ANGPTL7: variants seen among roughly 807,000 people sequenced by gnomAD.
ANGPTL7 encodes the protein angiopoietin-related protein 7.
ANGPTL7 carries 37 observed loss-of-function variants against 38.8 expected under a neutral mutation model. The ratio of observed to expected loss-of-function variants is 0.95; its 90% CI spans 0.73 to 1.25. The LOEUF is 1.25. Among genes scored for constraint, ANGPTL7 ranks in the 50% most tolerant of loss-of-function variants. The pLI, the probability that ANGPTL7 is intolerant of heterozygous loss-of-function variation, is 0.00. For missense variants in ANGPTL7, 427 were observed against 438.6 expected, an observed-to-expected ratio of 0.97 and a Z score of 0.24; for synonymous variants, 166 against 163.2, an observed-to-expected ratio of 1.02 and a Z score of -0.13.
Position 11,189,840 on chromosome 1 carries a change from C to G in ANGPTL7, c.261C>G (p.Asn87Lys), listed in dbSNP as rs761178117. The change falls in exon 1 of 5, where the codon AAC becomes AAG. Residue 87 changes from asparagine to lysine, a missense_variant. Transcript: ENST00000376819. ...TGCAGGTGATGGAGCTGGAGAGCAA[C>G]AGCAAGCGCATGGAGTCGCGGCTCA... ...VVMQVMELES[N>K]SKRMESRLTD... The G allele has an allele frequency of 1.3e-5, 21 of 1,614,112 alleles. No homozygotes were observed. Among genetic ancestry groups the G allele is most frequent in the African/African-American group, 1.1e-4 (8 of 74,938 alleles).
Position 11,194,518 on chromosome 1 carries a change from C to T in ANGPTL7, c.730C>T (p.Leu244Phe), listed in dbSNP as rs762324810. 3.5e-5 allele frequency: 56 copies of T among 1,614,038 alleles called. No homozygotes were observed. The highest frequency in any genetic ancestry group is 4.2e-5 in the Non-Finnish European group (50 of 1,180,044). Residue 244 changes from leucine to phenylalanine, a missense_variant, in exon 4 of 5, where the codon CTC becomes TTC. Coordinates refer to ENST00000376819, the MANE Select transcript of ANGPTL7 (RefSeq NM_021146.4). ...EYSHFVLGNELNSYRLFLGNY... is the reference protein window; with the variant it reads ...EYSHFVLGNEFNSYRLFLGNY... Reference sequence around the variant, plus strand: ...TAGCCACTTTGTTTTGGGCAATGAACTCAACAGCTATCGCCTCTTCCTGGG... The same window carrying T: ...TAGCCACTTTGTTTTGGGCAATGAATTCAACAGCTATCGCCTCTTCCTGGG...
intron 4 of ANGPTL7, 46 bp from the exon 5 acceptor site, chr1:11,194,808 T>C (rs376581686): frequency 1.2e-6 from 2 of 1,608,892 alleles, no homozygotes; most frequent in African/African-American, 2.7e-5. Context: ...TGATGTCTGG[T>C]CTATCACAGT....
chr1:11,193,779 G>A lies in ANGPTL7; in HGVS notation c.672+5G>A. ...CGGCTGCGTGTAGAGATGGAGGTAA[G>A]CACAAGGCCAGGGGCCCCATGACTG... On this transcript the variant is annotated splice_donor_5th_base_variant and intron_variant, in intron 3 of 4. Coordinates refer to ENST00000376819, the MANE Select transcript of ANGPTL7 (RefSeq NM_021146.4). 1 of 1,613,998 alleles carries A rather than the reference G, an allele frequency of 6.2e-7. No individual in the cohort carries two copies. Among genetic ancestry groups the A allele is most frequent in the Non-Finnish European group, 8.5e-7 (1 of 1,179,960 alleles).
chr1:11,189,682 C>T lies in ANGPTL7; in HGVS notation c.103C>T (p.Pro35Ser). 6.2e-7 allele frequency: 1 copy of T among 1,614,160 alleles called. No individual in the cohort carries two copies. Among genetic ancestry groups the T allele is most frequent in the Non-Finnish European group, 8.5e-7 (1 of 1,180,030 alleles). The change falls in exon 1 of 5, where the codon CCA becomes TCA. Residue 35 changes from proline (P) to serine (S), a missense_variant. By Grantham distance (74) the Pro-to-Ser change is moderately conservative. Coordinates refer to ENST00000376819, the MANE Select transcript of ANGPTL7 (RefSeq NM_021146.4). ...WLQKLSKHKT[P>S]AQPQLKAANC... ...GCAGAAGCTCTCTAAGCACAAGACA[C>T]CAGCACAGCCACAGCTCAAAGCGGC...
intron 3 of ANGPTL7, 96 bp from the exon 4 acceptor site, chr1:11,194,365 A>ATGTT: frequency 3.6e-6 from 4 of 1,122,700 alleles, no homozygotes; most frequent in Non-Finnish European, 5.3e-6. Context: ...CTATAAAAAG[A>ATGTT]TGTTTGGCTA....
At position 11,195,184 on chromosome 1, in the gene ANGPTL7, T is replaced by G; in HGVS notation, c.*161T>G. 1 of 786,408 alleles carries G rather than the reference T, an allele frequency of 1.3e-6. No homozygotes were observed. Among genetic ancestry groups the G allele is most frequent in the Non-Finnish European group, 2.0e-6 (1 of 501,874 alleles). 48.7% of individuals were successfully genotyped at this position (786,408 alleles called of 1,614,324 possible). Reference sequence around the variant, plus strand: ...CTCCAAGGAGCACAAAAAAATCATATGTACCAAGGATGTTACAGTAAACAG... The same window carrying G: ...CTCCAAGGAGCACAAAAAAATCATAGGTACCAAGGATGTTACAGTAAACAG... On this transcript the variant is annotated 3_prime_UTR_variant, in exon 5 of 5. Transcript: ENST00000376819.
intron 1 of ANGPTL7, among the ~76,000 whole-genome samples, chr1:11,191,008 G>C (rs1316363183): frequency 6.6e-6 from 1 of 152,204 alleles, no homozygotes; most frequent in Admixed American, 6.5e-5. Context: ...TTTGGGATTA[G>C]AAAGGTATTC....
rs1169193365 is a variant in ANGPTL7 at position 11,192,980 on chromosome 1, G to A, written c.478-600G>A. 2.0e-5 allele frequency among the ~76,000 whole-genome samples: 3 copies of A among 151,904 alleles called. No individual in the cohort carries two copies. In the East Asian group the frequency reaches 5.8e-4, roughly 30 times the overall value. On this transcript the variant is annotated intron_variant, in intron 2 of 4. Coordinates refer to ENST00000376819, the MANE Select transcript of ANGPTL7 (RefSeq NM_021146.4). ...CCATGTCCTAGAACAGCTATTCCTT[G>A]GGGGAGGAGAAAAGAAAACACGAAG...
chr1:11,190,000 C>T, intron 1 of ANGPTL7, 45 bp downstream of exon 1: 1 of 1,560,420 alleles, frequency 6.4e-7, no homozygotes. Flanking sequence ...GCCTCCCCAT[C>T]TACAGCACTG....
Position 11,195,136 on chromosome 1 carries a change from TA to T in ANGPTL7, c.*115del. 8.8e-7 allele frequency: 1 copy of T among 1,142,358 alleles called. No homozygotes were observed. The highest frequency in any genetic ancestry group is 1.2e-6 in the Non-Finnish European group (1 of 815,998). The allele number at this position is 1,142,358 out of a possible 1,614,324, so 70.8% of individuals were successfully genotyped here. On this transcript the variant is annotated 3_prime_UTR_variant, in exon 5 of 5. Transcript: ENST00000376819. ...AAGGGTAGGACTGAGAAACAGCCTA[TA>T]ATCTCCAAAGAAAGAATAAGTCTCC...
rs964512014 is a variant in ANGPTL7, at chr1:11,192,401, T to C, written c.477+31T>C. 2.6e-6 allele frequency: 4 copies of C among 1,533,754 alleles called. No homozygotes were observed. In the African/African-American group the frequency reaches 5.5e-5, roughly 21 times the overall value. On this transcript the variant is annotated intron_variant, in intron 2 of 4. Coordinates refer to ENST00000376819, the MANE Select transcript of ANGPTL7 (RefSeq NM_021146.4). ...GTCATTACAGTCACTGGCCATGCCC[T>C]AATACCTGTCCTTCACCCCCTCAAG...
chr1:11,189,793 A>T lies in ANGPTL7; in HGVS notation c.214A>T (p.Arg72Trp). 3.1e-6 allele frequency: 5 copies of T among 1,614,222 alleles called. No homozygotes were observed. Among genetic ancestry groups the T allele is most frequent in the Non-Finnish European group, 4.2e-6 (5 of 1,180,018 alleles). Reference protein sequence around the residue: ...LLSELNKKQERDWVSVVMQVM... With the variant: ...LLSELNKKQEWDWVSVVMQVM... The stretch of plus-strand genomic sequence containing the variant: ...GAGTGAACTGAACAAGAAGCAGGAG[A>T]GGGACTGGGTCAGCGTGGTCATGCA... The change falls in exon 1 of 5, where the codon AGG (arginine) becomes TGG (tryptophan). Residue 72 changes from arginine (R) to tryptophan (W), a missense_variant. By Grantham distance (101) the Arg-to-Trp change is moderately radical (BLOSUM62 -3). Transcript: ENST00000376819.
In ANGPTL7 at chr1:11,189,397, G is replaced by C. The variant is rs949926258; in HGVS notation, c.-183G>C. Reference sequence around the variant, plus strand: ...TATAGGCTACCCATTCAGCTCCCCTGTCAGAGACTCAAGCTTTGAGAAAGG... The same window carrying C: ...TATAGGCTACCCATTCAGCTCCCCTCTCAGAGACTCAAGCTTTGAGAAAGG... On this transcript the variant is annotated 5_prime_UTR_variant, in exon 1 of 5. Transcript: ENST00000376819. The C allele has an allele frequency of 2.7e-6, 2 of 746,592 alleles. No individual in the cohort carries two copies. Among genetic ancestry groups the C allele is most frequent in the South Asian group, 3.7e-5 (2 of 54,588 alleles). 46.2% of individuals were successfully genotyped at this position (746,592 alleles called of 1,614,324 possible).
Position 11,190,845 on chromosome 1 carries a change from A to G in ANGPTL7, c.376+890A>G, listed in dbSNP as rs1263609339. On this transcript the variant is annotated intron_variant, in intron 1 of 4. Coordinates refer to ENST00000376819, the MANE Select transcript of ANGPTL7 (RefSeq NM_021146.4). ...TGGTCCCATTATAAACTACATGAAG[A>G]ACAAAGACATGATCAGCTTCTACTG... 3.3e-5 allele frequency among the ~76,000 whole-genome samples: 5 copies of G among 152,230 alleles called. No individual in the cohort carries two copies. The East Asian group carries it at 9.6e-4, about 29-fold the overall frequency.
At chr1:11,192,051 C>A (rs1250240894) in intron 1 of ANGPTL7, among the ~76,000 whole-genome samples, 1 of 152,122 alleles carries the variant, frequency 6.6e-6, no homozygotes, top group Non-Finnish European at 1.5e-5. Flanking sequence ...TAATGCTATC[C>A]AGGTGAAGGG....
At position 11,193,757 on chromosome 1, in the gene ANGPTL7, C is replaced by T. The variant is rs752323454; in HGVS notation, c.655C>T (p.Leu219=). ...CCGGCTCTCCAGACAGCCAACCCGG[C>T]TGCGTGTAGAGATGGAGGTAAGCAC... The part of the protein sequence containing the change: ...IHRLSRQPTR[L]RVEMEDWEGN... The change falls in exon 3 of 5, where the codon CTG becomes TTG. Residue 219 remains leucine, a synonymous_variant. Transcript: ENST00000376819. The T allele has an allele frequency of 6.2e-7, 1 of 1,614,182 alleles. No homozygotes were observed. The highest frequency in any genetic ancestry group is 1.1e-5 in the South Asian group (1 of 91,082).
In ANGPTL7 at chr1:11,195,855, G is replaced by C. The variant is rs1189524654; in HGVS notation, c.*832G>C. On this transcript the variant is annotated 3_prime_UTR_variant, in exon 5 of 5. Transcript: ENST00000376819. ...AGGAAATGGTTGAAAACTGAAGGTA[G>C]ATGGTGTTATAGTTAATAATAAATG... 2 of 152,320 alleles carry C rather than the reference G, an allele frequency of 1.3e-5. No homozygotes were observed. The highest frequency in any genetic ancestry group is 4.8e-5 in the African/African-American group (2 of 41,462). 9.4% of individuals were successfully genotyped at this position (152,320 alleles called of 1,614,324 possible). A position where few individuals can be genotyped will look rare whatever the true frequency, so the allele number is the denominator to read the frequency against.
chr1:11,190,054 T>C, intron 1 of ANGPTL7, 99 bp downstream of exon 1: 1 of 1,403,326 alleles, frequency 7.1e-7, no homozygotes, highest in Non-Finnish European at 9.6e-7. Flanking sequence ...GGGGCCTCTT[T>C]TGTGGGTACA....
At position 11,193,710 on chromosome 1, in the gene ANGPTL7, G is replaced by A; in HGVS notation, c.608G>A (p.Trp203Ter). Residue 203 changes from tryptophan (W) to a stop codon, truncating the protein, a stop_gained, in exon 3 of 5, where the codon TGG (tryptophan) becomes TAG (stop). Transcript: ENST00000376819. LOFTEE classifies it high-confidence loss of function. Reference sequence around the variant, plus strand: ...TTTGGCAGCATCCGTGGGGACTTCTGGCTGGGGAACGAACACATCCACCGG... The same window carrying A: ...TTTGGCAGCATCCGTGGGGACTTCTAGCTGGGGAACGAACACATCCACCGG... ...QGFGSIRGDFWLGNEHIHRLS... is the reference protein window; with the variant it reads ...QGFGSIRGDF 6.2e-7 allele frequency: 1 copy of A among 1,614,136 alleles called. No individual in the cohort carries two copies. Among genetic ancestry groups the A allele is most frequent in the Non-Finnish European group, 8.5e-7 (1 of 1,180,024 alleles).
Sources: gnomAD v4.1 joint callset for allele counts (sites outside exome capture counted in the v4.1 genomes callset) on GRCh38, gnomAD v4.1.1 for gene constraint, MANE v1.5 for transcripts, NCBI Gene and HGNC (gene_info 2026-07-23, HGNC 2026-07-21) for gene names.